STOX2: variants seen among roughly 807,000 people sequenced by gnomAD.
STOX2 encodes storkhead box 2, also known as storkhead-box protein 2.
STOX2 carries 28 observed loss-of-function variants against 60.9 expected under a neutral mutation model. The observed-to-expected ratio is 0.46, with a 90% CI of 0.34 to 0.63. The LOEUF is 0.63. Ranked by LOEUF, STOX2 falls within the 30% of genes least tolerant of loss-of-function variation. The probability of loss-of-function intolerance (pLI) is 0.01; values close to 1 mark genes in which losing one functional copy is unlikely to be tolerated. For synonymous variants in STOX2, 472 were observed against 463.9 expected, an observed-to-expected ratio of 1.02 and a Z score of -0.22; for missense variants, 1,024 against 1,187.7, an observed-to-expected ratio of 0.86 and a Z score of 2.03.
intron 2 of STOX2, among the ~76,000 whole-genome samples, chr4:184,002,603 C>T (rs114749763): frequency 0.012 from 1,757 of 152,318 alleles, 16 homozygotes; most frequent in Non-Finnish European, 0.018. Flanking sequence ...ATGGAGATCT[C>T]CTTCACTTGC....
intron 1 of STOX2, among the ~76,000 whole-genome samples, chr4:183,804,713 A>C (rs1738845127): frequency 6.6e-6 from 1 of 152,262 alleles, no homozygotes; most frequent in Admixed American, 6.5e-5. Context: ...ACTTCTAGCT[A>C]GTCATAAAAA....
intron 1 of STOX2, among the ~76,000 whole-genome samples, chr4:183,874,618 T>C (rs1322207822): frequency 2.4e-5 from 3 of 126,656 alleles, no homozygotes; most frequent in Non-Finnish European, 5.3e-5. Context: ...AGGGCACTTA[T>C]ATATGCAGAG....
chr4:184,005,563 C>G (rs2111235134), intron 2 of STOX2, among the ~76,000 whole-genome samples: 1 of 151,180 alleles, frequency 6.6e-6, no homozygotes, highest in Middle Eastern at 3.5e-3. Context: ...TGGAAGAGAT[C>G]AGGTTCAGGC....
chr4:183,844,363 G>A (rs927147241), intron 1 of STOX2, among the ~76,000 whole-genome samples: 1 of 152,174 alleles, frequency 6.6e-6, no homozygotes, highest in Admixed American at 6.5e-5. Flanking sequence ...TGAAACCATG[G>A]TGAGCATTGA....
At chr4:184,012,261 C>T (rs1734202266) in intron 3 of STOX2, among the ~76,000 whole-genome samples, 1 of 152,180 alleles carries the variant, frequency 6.6e-6, no homozygotes, top group African/African-American at 2.4e-5. Flanking sequence ...ACTCTTTCTT[C>T]TCCTCAAAGA....
intron 2 of STOX2, among the ~76,000 whole-genome samples, chr4:184,004,969 T>A (rs1733762543): frequency 6.6e-6 from 1 of 152,218 alleles, no homozygotes; most frequent in Non-Finnish European, 1.5e-5. Context: ...CTGGAGAATG[T>A]TAATAGATAC....
chr4:183,970,534 G>T (rs1018447825), intron 1 of STOX2, among the ~76,000 whole-genome samples: 34 of 152,114 alleles, frequency 2.2e-4, no homozygotes, highest in African/African-American at 8.2e-4. Context: ...CCGGACCCTT[G>T]CCTAGAACTG....
At chr4:183,938,651 A>G (rs934753473) in intron 1 of STOX2, among the ~76,000 whole-genome samples, 1 of 146,228 alleles carries the variant, frequency 6.8e-6, no homozygotes, top group African/African-American at 2.6e-5. Flanking sequence ...CCCGGGCAAC[A>G]GAGTGAGACT....
intron 1 of STOX2, among the ~76,000 whole-genome samples, chr4:183,834,320 T>C (rs1366537266): frequency 6.6e-6 from 1 of 152,192 alleles, no homozygotes; most frequent in Non-Finnish European, 1.5e-5. Flanking sequence ...TTTTGCACCG[T>C]GCAGCCTGTT....
chr4:184,002,325 A>G (rs933321790), intron 2 of STOX2, among the ~76,000 whole-genome samples: 1 of 152,244 alleles, frequency 6.6e-6, no homozygotes, highest in Non-Finnish European at 1.5e-5. Context: ...CTAGGTTGAA[A>G]TAGAGATTAT....
At chr4:183,913,134 G>A (rs1033403294) in intron 1 of STOX2, among the ~76,000 whole-genome samples, 4 of 152,146 alleles carry the variant, frequency 2.6e-5, no homozygotes, top group Non-Finnish European at 4.4e-5. Context: ...TCGATTTGAA[G>A]AGATGGAGAA....
intron 1 of STOX2, among the ~76,000 whole-genome samples, chr4:183,918,236 C>T (rs889294634): frequency 6.6e-6 from 1 of 152,214 alleles, no homozygotes; most frequent in African/African-American, 2.4e-5. Context: ...TTGGTATGTG[C>T]TCTGCTAAGG....
At chr4:183,804,046 T>A (rs1381679858) in intron 1 of STOX2, among the ~76,000 whole-genome samples, 1 of 152,200 alleles carries the variant, frequency 6.6e-6, no homozygotes, top group Non-Finnish European at 1.5e-5. Context: ...CTTGATAGAA[T>A]AGAGAGCGCT....
chr4:183,807,039 C>A (rs973660322), intron 1 of STOX2, among the ~76,000 whole-genome samples: 4 of 152,008 alleles, frequency 2.6e-5, no homozygotes, highest in South Asian at 2.1e-4. Context: ...GTGGCGCGAT[C>A]TCGGCTCACT....
At chr4:183,926,901 C>T (rs1023029073) in intron 1 of STOX2, among the ~76,000 whole-genome samples, 2 of 152,170 alleles carry the variant, frequency 1.3e-5, no homozygotes, top group African/African-American at 2.4e-5. Context: ...AGATTACAGG[C>T]GTGAGCCACC....
rs60300009 is a variant in STOX2, at chr4:183,891,358, TTATA to T, written c.364+93349_364+93352del. ...TGATGGAATATATATATGATGGAATTTATATATATATATATATATATATATATAT... is the reference window on the plus strand; with the variant it reads ...TGATGGAATATATATATGATGGAATTTATATATATATATATATATATATAT... On this transcript the variant is annotated intron_variant, in intron 1 of 2. Coordinates refer to the STOX2 transcript ENST00000513034. 9.3e-3 allele frequency among the ~76,000 whole-genome samples: 788 copies of T among 84,674 alleles called. 2 individuals carry two copies. The highest frequency in any genetic ancestry group is 0.012 in the Admixed American group (90 of 7,626). 55.5% of individuals were successfully genotyped at this position (84,674 alleles called of 152,430 possible).
At chr4:183,994,110 G>T (rs979296556) in intron 1 of STOX2, among the ~76,000 whole-genome samples, 1 of 152,218 alleles carries the variant, frequency 6.6e-6, no homozygotes, top group Non-Finnish European at 1.5e-5. Flanking sequence ...ACCCCAGAAA[G>T]CGGGTGATTT....
At chr4:183,940,199 G>A (rs1206940247) in intron 1 of STOX2, among the ~76,000 whole-genome samples, 2 of 152,116 alleles carry the variant, frequency 1.3e-5, no homozygotes, top group Non-Finnish European at 2.9e-5. Context: ...CACCGAGCCC[G>A]GCCAGTATTT....
In STOX2 at chr4:183,865,251, T is replaced by C. The variant is rs1725429541; in HGVS notation, c.364+67196T>C. Among the ~76,000 whole-genome samples the C allele has an allele frequency of 6.6e-6, 1 of 152,200 alleles. No individual in the cohort carries two copies. Among genetic ancestry groups the C allele is most frequent in the Admixed American group, 6.5e-5 (1 of 15,278 alleles). On this transcript the variant is annotated intron_variant, in intron 1 of 2. Transcript: ENST00000513034. This position sits in a 1 kb window ranked among gnomAD's most constrained non-coding sequence, Gnocchi z 4.1. ...CACAAACTCCATTGAATGAAAAAAATAGTTTATATTTTGTTTTGAAATCTG... is the reference window on the plus strand; with the variant it reads ...CACAAACTCCATTGAATGAAAAAAACAGTTTATATTTTGTTTTGAAATCTG...
Sources: allele counts gnomAD v4.1 joint callset (sites outside exome capture counted in the v4.1 genomes callset), GRCh38; gene constraint gnomAD v4.1.1; non-coding constraint Gnocchi (gnomAD v3.1); transcripts MANE v1.5; gene names NCBI Gene and HGNC (gene_info 2026-07-23, HGNC 2026-07-21).